The following COA8 variants were observed in gnomAD, a reference collection of about 807,000 sequenced individuals.
The protein encoded by COA8 is cytochrome c oxidase assembly factor 8.
In COA8, 20 loss-of-function variants were observed where a neutral mutation model predicts 22.0. The observed-to-expected ratio is 0.91, with a 90% CI of 0.64 to 1.32. The LOEUF (loss-of-function observed/expected upper bound fraction) is 1.32. Among genes scored for constraint, COA8 ranks in the 40% most tolerant of loss-of-function variants. COA8 has a pLI of 0.00. For missense variants in COA8, 266 were observed against 230.0 expected (o/e 1.16, Z -1.01); for synonymous variants, 105 against 79.9 (o/e 1.31, Z -1.68).
At chr14:103,577,698 G>A (rs978696022) in intron 3 of COA8, among the ~76,000 whole-genome samples, 13 of 150,590 alleles carry the variant, frequency 8.6e-5, no homozygotes, top group Non-Finnish European at 1.3e-4. Flanking sequence ...GGGCAACATG[G>A]TAAAACCCTT....
chr14:103,586,546 T>C (rs954414900), intron 3 of COA8, among the ~76,000 whole-genome samples: 1 of 152,074 alleles, frequency 6.6e-6, no homozygotes, highest in African/African-American at 2.4e-5. Context: ...TTTTACCATG[T>C]TGGCCAGAAT....
chr14:103,574,247 G>A (rs977868831), intron 3 of COA8, 77 bp downstream of exon 3: 17 of 1,590,536 alleles, frequency 1.1e-5, no homozygotes, highest in Non-Finnish European at 1.5e-5. Flanking sequence ...AGGAAGGGCG[G>A]TGAGAGAGGT....
At chr14:103,578,306 C>T (rs552686195) in intron 3 of COA8, among the ~76,000 whole-genome samples, 11 of 152,256 alleles carry the variant, frequency 7.2e-5, no homozygotes, top group East Asian at 1.9e-4. Context: ...ACTAGAAGAA[C>T]GGATAAGGCT....
At chr14:103,567,443 A>G (rs1342492045) in intron 1 of COA8, 1 of 150,128 alleles carries the variant, frequency 6.7e-6, no homozygotes, top group Non-Finnish European at 1.5e-5. Context: ...AATGAGATTT[A>G]TCTGAGGTGT....
intron 4 of COA8, among the ~76,000 whole-genome samples, chr14:103,587,605 TC>T (rs1208282693): frequency 6.6e-6 from 1 of 151,222 alleles, no homozygotes; most frequent in Non-Finnish European, 1.5e-5. Flanking sequence ...CCTCCTGGGT[TC>T]ACGCCATTCT....
At position 103,581,582 on chromosome 14, in the gene COA8, T is replaced by G. The variant is rs550537910; in HGVS notation, c.386-5692T>G. The G allele has an allele frequency of 3.3e-4, 130 of 399,006 alleles. 1 individual carries two copies. In the South Asian group the frequency reaches 0.016, roughly 48 times the overall value. The allele number at this position is 399,006 out of a possible 1,614,324, so 24.7% of individuals were successfully genotyped here. A position where few individuals can be genotyped will look rare whatever the true frequency, so the allele number is the denominator to read the frequency against. On this transcript the variant is annotated intron_variant, in intron 3 of 4. Coordinates refer to ENST00000409074, the MANE Select transcript of COA8 (RefSeq NM_001370595.2). The surrounding 1 kb of genome is among the most constrained non-coding windows in gnomAD (Gnocchi z 4.1). ...TAATATTTTCAGACCCCACTTTACC[T>G]CGGGTAACTGAAACCATGGAAAGAA...
chr14:103,576,892 G>T (rs2076233958), intron 3 of COA8, among the ~76,000 whole-genome samples: 1 of 152,202 alleles, frequency 6.6e-6, no homozygotes, highest in Admixed American at 6.6e-5. Context: ...AGAGGGCTGG[G>T]TAGGCGCAGG....
chr14:103,573,941 C>T (rs1392900577), intron 2 of COA8, among the ~76,000 whole-genome samples, 166 bp from the exon 3 acceptor site: 1 of 152,120 alleles, frequency 6.6e-6, no homozygotes, highest in Admixed American at 6.5e-5. Flanking sequence ...CTTTTAACCA[C>T]ATTCAGAGGG....
rs1369017568 is a variant in COA8 at position 103,574,174 on chromosome 14, A to G, written c.385+4A>G. ...CTGGGCCTGAGAACTGAATCAGGTT[A>G]GTGTGTTTGTTTGATTGTTTTTTTT... On this transcript the variant is annotated splice_donor_region_variant and intron_variant, in intron 3 of 4. Coordinates refer to ENST00000409074, the MANE Select transcript of COA8 (RefSeq NM_001370595.2). 1 of 1,540,846 alleles carries G rather than the reference A, an allele frequency of 6.5e-7. No homozygotes were observed. The highest frequency in any genetic ancestry group is 1.1e-5 in the South Asian group (1 of 90,048).
intron 1 of COA8, among the ~76,000 whole-genome samples, chr14:103,564,242 T>C (rs2076117131): frequency 6.6e-6 from 1 of 152,166 alleles, no homozygotes; most frequent in South Asian, 2.1e-4. Flanking sequence ...ACTTTCATAA[T>C]TGTAGCTTTG....
At position 103,571,605 on chromosome 14, in the gene COA8, C is replaced by T; in HGVS notation, c.124-18C>T. On this transcript the variant is annotated intron_variant, in intron 1 of 4. Coordinates refer to ENST00000409074, the MANE Select transcript of COA8 (RefSeq NM_001370595.2). ...AGATTCATTTTGTCATATGTTAATC[C>T]AATTTACTTTGTTAAAGGTCTCAAG... is the stretch of plus-strand genomic sequence containing the variant. 1 of 1,596,090 alleles carries T rather than the reference C, an allele frequency of 6.3e-7. No homozygotes were observed. Among genetic ancestry groups the T allele is most frequent in the Non-Finnish European group, 8.6e-7 (1 of 1,166,288 alleles).
intron 3 of COA8, among the ~76,000 whole-genome samples, chr14:103,583,605 T>A (rs1042689150): frequency 1.3e-5 from 2 of 151,490 alleles, no homozygotes; most frequent in African/African-American, 4.9e-5. Flanking sequence ...CCTGGTGTCT[T>A]CTCTAATTCC....
chr14:103,584,276 G>C (rs1469332374), intron 3 of COA8, among the ~76,000 whole-genome samples: 1 of 152,204 alleles, frequency 6.6e-6, no homozygotes, highest in African/African-American at 2.4e-5. Context: ...GAGGTCTCAT[G>C]AGGTAGGCAT....
intron 1 of COA8, among the ~76,000 whole-genome samples, chr14:103,563,789 C>A (rs1290660497): frequency 1.3e-5 from 2 of 152,268 alleles, no homozygotes; most frequent in South Asian, 2.1e-4. Flanking sequence ...GCAAAGCATG[C>A]AAATACCAAA....
chr14:103,588,185 T>A (rs1485787736), intron 4 of COA8: 2 of 338,530 alleles, frequency 5.9e-6, no homozygotes, highest in South Asian at 1.4e-4. Flanking sequence ...TATTTACAGG[T>A]GAAATTAATA....
intron 3 of COA8, among the ~76,000 whole-genome samples, chr14:103,582,509 A>G (rs950543172): frequency 6.6e-6 from 1 of 152,178 alleles, no homozygotes. Flanking sequence ...GACCTGTCCC[A>G]GGAATGGGCA....
chr14:103,575,421 CAT>C (rs1278248964), intron 3 of COA8, among the ~76,000 whole-genome samples: 1 of 152,190 alleles, frequency 6.6e-6, no homozygotes, highest in Non-Finnish European at 1.5e-5. Flanking sequence ...GGAAGGGAAA[CAT>C]ACAGGGAGCT....
chr14:103,572,190 G>A (rs2076193334), intron 2 of COA8, among the ~76,000 whole-genome samples: 1 of 151,960 alleles, frequency 6.6e-6, no homozygotes, highest in Admixed American at 6.6e-5. Flanking sequence ...GCCACTTGAG[G>A]GTGCTAGGTG....
At chr14:103,574,297 T>C in intron 3 of COA8, 127 bp downstream of exon 3, 3 of 1,259,680 alleles carry the variant, frequency 2.4e-6, no homozygotes, top group Non-Finnish European at 3.5e-6. Flanking sequence ...TTTGGGGCAG[T>C]GCTCGGCACA....
Sources: allele counts gnomAD v4.1 joint callset (sites outside exome capture counted in the v4.1 genomes callset), GRCh38; gene constraint gnomAD v4.1.1; non-coding constraint Gnocchi (gnomAD v3.1); transcripts MANE v1.5; gene names NCBI Gene and HGNC (gene_info 2026-07-23, HGNC 2026-07-21).